Variants in NFAT5 observed in about 807,000 individuals in gnomAD.
The protein encoded by NFAT5 is nuclear factor of activated T-cells 5.
Under a neutral mutation model 166.5 loss-of-function variants are expected in NFAT5, and 31 were observed. The ratio of observed to expected loss-of-function variants is 0.19; its 90% CI spans 0.14 to 0.25. The LOEUF (loss-of-function observed/expected upper bound fraction) is 0.25. Among genes scored for constraint, NFAT5 ranks in the 10% least tolerant of loss-of-function variants. NFAT5 has a pLI of 1.00. For missense variants in NFAT5, 1,449 were observed against 1,821.8 expected (o/e 0.80, Z 3.72); for synonymous variants, 612 against 639.7 (o/e 0.96, Z 0.65).
At position 69,568,376 on chromosome 16, in the gene NFAT5, G is replaced by A. The variant is rs868505441; in HGVS notation, c.74-119G>A. The A allele has an allele frequency of 1.7e-3, 479 of 288,384 alleles. 2 individuals are homozygous for A. The highest frequency in any genetic ancestry group is 0.014 in the East Asian group (123 of 8,532). The allele number at this position is 288,384 out of a possible 1,614,324, so 17.9% of individuals were successfully genotyped here. On this transcript the variant is annotated intron_variant, in intron 1 of 14. Transcript: ENST00000349945. The stretch of plus-strand genomic sequence containing the variant: ...TGTGTGTGTGTGTGTGTGTGTGTGT[G>A]TATATATATATATATATACACACAC...
chr16:69,587,471 C>T (rs1004047861), intron 2 of NFAT5, among the ~76,000 whole-genome samples: 2 of 151,024 alleles, frequency 1.3e-5, no homozygotes, highest in Admixed American at 1.3e-4. Flanking sequence ...TTACTGTAAC[C>T]TCCGCCCCCC....
At chr16:69,603,560 TG>T (rs2033250940) in intron 2 of NFAT5, among the ~76,000 whole-genome samples, 1 of 152,118 alleles carries the variant, frequency 6.6e-6, no homozygotes, top group Non-Finnish European at 1.5e-5. Context: ...GAGACCAGCC[TG>T]GGCAATAAAG....
chr16:69,587,949 T>C (rs1010972732), intron 2 of NFAT5, among the ~76,000 whole-genome samples: 1 of 137,582 alleles, frequency 7.3e-6, no homozygotes, highest in Non-Finnish European at 1.6e-5. Context: ...GCTTTCTTTT[T>C]TTTTTTTTTT....
intron 2 of NFAT5, among the ~76,000 whole-genome samples, chr16:69,614,637 A>G (rs1044652883): frequency 6.6e-6 from 1 of 152,176 alleles, no homozygotes; most frequent in African/African-American, 2.4e-5. Flanking sequence ...ATTTCCAACA[A>G]ATAAGAATAT....
chr16:69,647,887 C>G lies in NFAT5; in HGVS notation c.812+301C>G, dbSNP rs2035506815. On this transcript the variant is annotated intron_variant, in intron 4 of 14. Transcript: ENST00000349945. This position sits in a 1 kb window ranked among gnomAD's most constrained non-coding sequence, Gnocchi z 4.8. ...AATTTATATTTTAAAAGGACTTTTA[C>G]TCAGCCAGGTGCGGTGGCTCACACC... is the stretch of plus-strand genomic sequence containing the variant. Among the ~76,000 whole-genome samples, 2 of 151,940 alleles carry G rather than the reference C, an allele frequency of 1.3e-5. No individual in the cohort carries two copies. Among genetic ancestry groups the G allele is most frequent in the Admixed American group, 1.3e-4 (2 of 15,240 alleles).
rs949871653 is a variant in NFAT5, at chr16:69,566,702, T to G, written c.73+328T>G. 5.3e-5 allele frequency among the ~76,000 whole-genome samples: 8 copies of G among 151,892 alleles called. No individual in the cohort carries two copies. Among genetic ancestry groups the G allele is most frequent in the Middle Eastern group, 6.8e-3 (2 of 292 alleles). On this transcript the variant is annotated intron_variant, in intron 1 of 14. Coordinates refer to ENST00000349945, the MANE Select transcript of NFAT5 (RefSeq NM_138713.4). This position sits in a 1 kb window ranked among gnomAD's most constrained non-coding sequence, Gnocchi z 5.7. Reference sequence around the variant, plus strand: ...GCTCCGCGAGCCGCCGGCCCCGGCCTCCCGGGCTCGGGGATGGCCCCAGAC... The same window carrying G: ...GCTCCGCGAGCCGCCGGCCCCGGCCGCCCGGGCTCGGGGATGGCCCCAGAC...
intron 2 of NFAT5, among the ~76,000 whole-genome samples, chr16:69,622,497 G>A (rs1480710215): frequency 6.6e-6 from 1 of 152,140 alleles, no homozygotes; most frequent in African/African-American, 2.4e-5. Flanking sequence ...ACTTTGGAGA[G>A]GGGTGGAATA....
chr16:69,678,250 T>G (rs1380664824), intron 10 of NFAT5, among the ~76,000 whole-genome samples: 1 of 151,298 alleles, frequency 6.6e-6, no homozygotes, highest in Non-Finnish European at 1.5e-5. Context: ...AGTCTCGCTG[T>G]GTCGCCCAGG....
At chr16:69,614,005 C>T (rs573613368) in intron 2 of NFAT5, among the ~76,000 whole-genome samples, 2 of 152,336 alleles carry the variant, frequency 1.3e-5, no homozygotes, top group South Asian at 2.1e-4. Context: ...AGAGAAGACT[C>T]ATGGTATGTG....
intron 2 of NFAT5, among the ~76,000 whole-genome samples, chr16:69,621,982 AAAAT>A (rs1358690708): frequency 6.7e-6 from 1 of 150,126 alleles, no homozygotes; most frequent in Non-Finnish European, 1.5e-5. Context: ...AAAATAAAAT[AAAAT>A]AAATAAAGTG....
intron 2 of NFAT5, among the ~76,000 whole-genome samples, chr16:69,605,343 G>A (rs2151547009): frequency 6.6e-6 from 1 of 152,268 alleles, no homozygotes; most frequent in East Asian, 1.9e-4. Flanking sequence ...GGGAGGCTGA[G>A]GTAGGAGAAT....
At chr16:69,648,811 C>G (rs2035555353) in intron 4 of NFAT5, 1 of 947,512 alleles carries the variant, frequency 1.1e-6, no homozygotes. Context: ...TACTTGATGA[C>G]ATCACTGATC....
chr16:69,622,414 T>C (rs2034240688), intron 2 of NFAT5, among the ~76,000 whole-genome samples: 1 of 152,208 alleles, frequency 6.6e-6, no homozygotes, highest in African/African-American at 2.4e-5. Context: ...AGAAAACATC[T>C]TTGGTGAAGG....
rs151010103 is a variant in NFAT5 at position 69,613,298 on chromosome 16, C to T, written c.128-13105C>T. Reference sequence around the variant, plus strand: ...TTATTGTAAAAACCTTCTTACTCATCGCCATCTCTAGGACCTAATCTATTC... The same window carrying T: ...TTATTGTAAAAACCTTCTTACTCATTGCCATCTCTAGGACCTAATCTATTC... On this transcript the variant is annotated intron_variant, in intron 2 of 14. Transcript: ENST00000349945. 5.4e-3 allele frequency among the ~76,000 whole-genome samples: 819 copies of T among 152,300 alleles called. 9 individuals are homozygous for T. The highest frequency in any genetic ancestry group is 0.019 in the African/African-American group (775 of 41,558).
Position 69,628,928 on chromosome 16 carries a change from G to A in NFAT5, c.253+2400G>A, listed in dbSNP as rs9797084. 4.6e-5 allele frequency among the ~76,000 whole-genome samples: 7 copies of A among 152,232 alleles called. No homozygotes were observed. The East Asian group carries it at 1.4e-3, about 29-fold the overall frequency. The stretch of plus-strand genomic sequence containing the variant: ...TCTCTACTAAAAATATAAAAAATCA[G>A]CCGGGCGTGGTGGCGGGCGCCTGTA... On this transcript the variant is annotated intron_variant, in intron 3 of 14. Coordinates refer to ENST00000349945, the MANE Select transcript of NFAT5 (RefSeq NM_138713.4).
At chr16:69,591,634 T>C (rs1301294864) in intron 2 of NFAT5, among the ~76,000 whole-genome samples, 1 of 152,230 alleles carries the variant, frequency 6.6e-6, no homozygotes, top group Non-Finnish European at 1.5e-5. Flanking sequence ...TCTAACTTGC[T>C]CTGAATATGT....
intron 9 of NFAT5, among the ~76,000 whole-genome samples, chr16:69,670,841 A>G (rs963831147): frequency 6.6e-6 from 1 of 152,174 alleles, no homozygotes; most frequent in Non-Finnish European, 1.5e-5. Flanking sequence ...AGAAGGCCAA[A>G]TTTATAAGCA....
At chr16:69,689,067 A>C (rs2037444885) in intron 11 of NFAT5, among the ~76,000 whole-genome samples, 1 of 152,166 alleles carries the variant, frequency 6.6e-6, no homozygotes, top group Admixed American at 6.5e-5. Context: ...TGAGCTCAGG[A>C]GTTCAAGACC....
At chr16:69,570,376 A>G (rs1311564864) in intron 2 of NFAT5, among the ~76,000 whole-genome samples, 1 of 152,058 alleles carries the variant, frequency 6.6e-6, no homozygotes, top group Non-Finnish European at 1.5e-5. Context: ...ATTTTAAAGA[A>G]TACATAAAAG....
Sources: gnomAD v4.1 joint callset for allele counts (sites outside exome capture counted in the v4.1 genomes callset) on GRCh38, gnomAD v4.1.1 for gene constraint, Gnocchi (gnomAD v3.1) non-coding constraint, MANE v1.5 for transcripts, NCBI Gene and HGNC (gene_info 2026-07-23, HGNC 2026-07-21) for gene names.